GRID2: variants seen among roughly 807,000 people sequenced by gnomAD.
The protein encoded by GRID2 is glutamate ionotropic receptor delta type subunit 2.
In GRID2, 33 loss-of-function variants were observed where a neutral mutation model predicts 114.8. That is an observed-to-expected ratio of 0.29 (90% CI 0.22 to 0.38). The LOEUF is 0.38. GRID2 is among the 10% of genes least tolerant of loss of function. The probability of loss-of-function intolerance (pLI) is 1.00; values close to 1 mark genes in which losing one functional copy is unlikely to be tolerated. For synonymous variants in GRID2, 505 were observed against 449.9 expected (o/e 1.12, Z -1.55); for missense variants, 1,184 against 1,257.7 (o/e 0.94, Z 0.89).
chr4:92,732,052 T>C (rs1405899859), intron 2 of GRID2, among the ~76,000 whole-genome samples: 1 of 151,816 alleles, frequency 6.6e-6, no homozygotes, highest in Non-Finnish European at 1.5e-5. Flanking sequence ...ATAAAAGAAG[T>C]TGAAATGCTT....
intron 14 of GRID2, among the ~76,000 whole-genome samples, chr4:93,759,668 A>AT (rs1733044051): frequency 6.6e-6 from 1 of 152,186 alleles, no homozygotes; most frequent in African/African-American, 2.4e-5. Flanking sequence ...TTCTGATAAC[A>AT]TTGGCAAAGC....
Position 93,398,149 on chromosome 4 carries a change from A to ATATATATC in GRID2, c.1347+2444_1347+2445insATATCTAT, listed in dbSNP as rs1560579261. ...TGTGTGTGTGTATATATATATATATATATCTTATCATTAAGGGAAGGGGTT... is the reference window on the plus strand; with the variant it reads ...TGTGTGTGTGTATATATATATATATATATATATCTATCTTATCATTAAGGGAAGGGGTT... On this transcript the variant is annotated intron_variant, in intron 9 of 15. Coordinates refer to ENST00000282020, the MANE Select transcript of GRID2 (RefSeq NM_001510.4). Among the ~76,000 whole-genome samples, 2 of 145,318 alleles carry ATATATATC rather than the reference A, an allele frequency of 1.4e-5. 1 individual carries two copies. The highest frequency in any genetic ancestry group is 5.4e-5 in the African/African-American group (2 of 37,326).
chr4:92,413,746 T>C (rs1285580002), intron 1 of GRID2, among the ~76,000 whole-genome samples: 1 of 152,148 alleles, frequency 6.6e-6, no homozygotes, highest in Non-Finnish European at 1.5e-5. Context: ...TTGTGTTAAA[T>C]ATATGCATCT....
chr4:93,601,959 G>A (rs922776157), intron 13 of GRID2, among the ~76,000 whole-genome samples: 1 of 152,128 alleles, frequency 6.6e-6, no homozygotes, highest in African/African-American at 2.4e-5. Flanking sequence ...TAATGACCTT[G>A]TGTAATGTGT....
chr4:93,660,062 AT>A (rs1280612722), intron 14 of GRID2, among the ~76,000 whole-genome samples: 1 of 151,972 alleles, frequency 6.6e-6, no homozygotes, highest in African/African-American at 2.4e-5. Flanking sequence ...TAAAAAAAAA[AT>A]TTTTATAGAA....
At chr4:92,443,496 T>C (rs569107530) in intron 1 of GRID2, among the ~76,000 whole-genome samples, 5 of 150,436 alleles carry the variant, frequency 3.3e-5, no homozygotes, top group African/African-American at 4.9e-5. Context: ...AGGGAAGGGG[T>C]TTGGGGGTTC....
intron 9 of GRID2, among the ~76,000 whole-genome samples, chr4:93,417,861 G>T (rs1279579707): frequency 6.6e-6 from 1 of 151,280 alleles, no homozygotes; most frequent in Admixed American, 6.6e-5. Context: ...ATGTTGATGG[G>T]CACTTGGATT....
chr4:93,782,012 T>TG (rs1164234224), intron 1 of GRID2, among the ~76,000 whole-genome samples: 3 of 152,330 alleles, frequency 2.0e-5, no homozygotes, highest in Admixed American at 2.0e-4. Context: ...CCATTGACTT[T>TG]GGATTGTATT....
intron 14 of GRID2, 152 bp downstream of exon 14, chr4:93,626,587 G>A (rs1742757823): frequency 1.9e-6 from 1 of 525,272 alleles, no homozygotes. Flanking sequence ...ATAAGTAGTT[G>A]TTCAATAAGA....
chr4:93,243,137 C>T (rs1217039699), intron 8 of GRID2, among the ~76,000 whole-genome samples: 1 of 151,882 alleles, frequency 6.6e-6, no homozygotes, highest in Non-Finnish European at 1.5e-5. Context: ...CAAATTTAAG[C>T]ATTCTTAATT....
intron 2 of GRID2, among the ~76,000 whole-genome samples, chr4:93,041,032 A>G (rs1474350319): frequency 6.6e-6 from 1 of 152,166 alleles, no homozygotes; most frequent in Non-Finnish European, 1.5e-5. Context: ...TAAAATTAAG[A>G]ACAAAAATCA....
At chr4:93,786,203 C>T (rs185705460) in intron 1 of GRID2, among the ~76,000 whole-genome samples, 22 of 152,228 alleles carry the variant, frequency 1.4e-4, no homozygotes, top group African/African-American at 4.6e-4. Flanking sequence ...CCTCAGGCCC[C>T]GGGTGAGAAC....
intron 8 of GRID2, among the ~76,000 whole-genome samples, chr4:93,261,975 C>G (rs1750302333): frequency 6.6e-6 from 1 of 151,502 alleles, no homozygotes; most frequent in Non-Finnish European, 1.5e-5. Flanking sequence ...AAGGGCCAAA[C>G]CATAGTTTAC....
chr4:93,208,893 C>T (rs528752142), intron 5 of GRID2, among the ~76,000 whole-genome samples: 185 of 151,910 alleles, frequency 1.2e-3, no homozygotes, highest in African/African-American at 4.0e-3. Context: ...AATAACTAAA[C>T]GTTGGGATAG....
intron 2 of GRID2, among the ~76,000 whole-genome samples, chr4:92,605,336 T>G (rs1729405971): frequency 6.6e-6 from 1 of 152,060 alleles, no homozygotes; most frequent in Non-Finnish European, 1.5e-5. Context: ...GTTCACTTAT[T>G]TGTAGGATAC....
At chr4:93,048,586 C>A (rs1013385419) in intron 2 of GRID2, among the ~76,000 whole-genome samples, 1 of 151,984 alleles carries the variant, frequency 6.6e-6, no homozygotes, top group Non-Finnish European at 1.5e-5. Context: ...TCGCCCCAAA[C>A]CCCCATAAAA....
chr4:92,580,143 C>G (rs565191597), intron 1 of GRID2, among the ~76,000 whole-genome samples: 80 of 150,800 alleles, frequency 5.3e-4, no homozygotes, highest in Non-Finnish European at 1.1e-3. Context: ...GAGGGAAACT[C>G]ATGTCTCCTT....
intron 13 of GRID2, among the ~76,000 whole-genome samples, chr4:93,552,849 G>C (rs1733919293): frequency 8.6e-6 from 1 of 116,428 alleles, no homozygotes; most frequent in East Asian, 2.9e-4. Context: ...TGTTCTCATT[G>C]TTCAACTCCC....
intron 1 of GRID2, among the ~76,000 whole-genome samples, chr4:92,445,259 G>A (rs986422237): frequency 1.3e-5 from 2 of 152,054 alleles, no homozygotes; most frequent in Non-Finnish European, 2.9e-5. Context: ...AGACTCTCTT[G>A]CCCTAGAATT....
Sources: allele counts gnomAD v4.1 joint callset (sites outside exome capture counted in the v4.1 genomes callset), GRCh38; gene constraint gnomAD v4.1.1; transcripts MANE v1.5; gene names NCBI Gene and HGNC (gene_info 2026-07-23, HGNC 2026-07-21).